Variants in PRSS12 observed in about 807,000 individuals in gnomAD.
PRSS12 encodes the protein neurotrypsin.
PRSS12 carries 85 observed loss-of-function variants against 104.4 expected under a neutral mutation model. That is an observed-to-expected ratio of 0.81 (90% CI 0.68 to 0.98). The LOEUF (loss-of-function observed/expected upper bound fraction) is 0.98. Among genes scored for constraint, PRSS12 ranks in the 50% least tolerant of loss-of-function variants. PRSS12 has a pLI of 0.00. For missense variants in PRSS12, 1,141 were observed against 1,139.2 expected, an observed-to-expected ratio of 1.00 and a Z score of -0.02; for synonymous variants, 454 against 425.2, an observed-to-expected ratio of 1.07 and a Z score of -0.83.
chr4:118,282,039 C>T lies in PRSS12; in HGVS notation c.2525G>A (p.Gly842Glu), dbSNP rs751020682. 26 of 1,614,148 alleles carry T rather than the reference C, an allele frequency of 1.6e-5. No individual in the cohort carries two copies. The highest frequency in any genetic ancestry group is 1.6e-4 in the Middle Eastern group (1 of 6,062). The change falls in exon 13 of 13, where the codon GGG becomes GAG. Residue 842 changes from glycine to glutamate, a missense_variant. Physicochemically the swap from Gly to Glu is moderately conservative, Grantham distance 98 (BLOSUM62 -2). Coordinates refer to ENST00000296498, the MANE Select transcript of PRSS12 (RefSeq NM_003619.4). ...ACAGCCATACCCCCAGGAGGTCACC[C>T]CATACACCACCCAGCTCTCTCCGGG... is the stretch of plus-strand genomic sequence containing the variant. The part of the protein sequence containing the change: ...ERPGESWVVY[G>E]VTSWGYGCGV...
chr4:118,299,195 G>C (rs1578907979), intron 8 of PRSS12, among the ~76,000 whole-genome samples: 2 of 151,910 alleles, frequency 1.3e-5, no homozygotes, highest in African/African-American at 4.8e-5. Flanking sequence ...TACATTTAAT[G>C]GCACATCAAA....
At chr4:118,318,606 G>T in intron 4 of PRSS12, 50 bp from the exon 5 acceptor site, 1 of 1,566,902 alleles carries the variant, frequency 6.4e-7, no homozygotes. Flanking sequence ...CCAAAGATTG[G>T]TCTTTTATTT....
At chr4:118,349,469 T>C (rs1354742058) in intron 1 of PRSS12, among the ~76,000 whole-genome samples, 1 of 151,948 alleles carries the variant, frequency 6.6e-6, no homozygotes. Flanking sequence ...GTAAATCATG[T>C]GCATCAGGCC....
chr4:118,348,013 T>C (rs1724400683), intron 1 of PRSS12, among the ~76,000 whole-genome samples: 1 of 152,160 alleles, frequency 6.6e-6, no homozygotes, highest in African/African-American at 2.4e-5. Context: ...GAGAATCACT[T>C]GAGCCCAGGA....
intron 4 of PRSS12, among the ~76,000 whole-genome samples, chr4:118,319,493 T>A (rs1723553988): frequency 6.6e-6 from 1 of 152,218 alleles, no homozygotes; most frequent in African/African-American, 2.4e-5. Flanking sequence ...GGTCCCATAC[T>A]AAGGATGACA....
chr4:118,337,295 T>G (rs1283181816), intron 2 of PRSS12, among the ~76,000 whole-genome samples: 1 of 152,218 alleles, frequency 6.6e-6, no homozygotes, highest in Non-Finnish European at 1.5e-5. Flanking sequence ...ATTTCCATGC[T>G]TTCTAAAGAC....
chr4:118,328,432 T>G (rs747469068), intron 4 of PRSS12, among the ~76,000 whole-genome samples: 1 of 152,190 alleles, frequency 6.6e-6, no homozygotes, highest in African/African-American at 2.4e-5. Context: ...AACCCATGAG[T>G]GTGTTCAACA....
intron 1 of PRSS12, among the ~76,000 whole-genome samples, chr4:118,346,695 C>A (rs788670): frequency 0.27 from 41,253 of 152,068 alleles, 7,154 homozygotes; most frequent in Middle Eastern, 0.43. Context: ...TACAGCCACT[C>A]CCCATCGCTC....
At chr4:118,342,992 C>A (rs535151799) in intron 1 of PRSS12, among the ~76,000 whole-genome samples, 1 of 152,192 alleles carries the variant, frequency 6.6e-6, no homozygotes, top group African/African-American at 2.4e-5. Flanking sequence ...AAGAAGAGTT[C>A]TCTTTAACCA....
At chr4:118,340,265 A>C (rs1421809599) in intron 1 of PRSS12, among the ~76,000 whole-genome samples, 2 of 152,218 alleles carry the variant, frequency 1.3e-5, no homozygotes, top group Non-Finnish European at 2.9e-5. Context: ...GCCTGGATTC[A>C]TTTAGCAGTA....
intron 8 of PRSS12, among the ~76,000 whole-genome samples, chr4:118,304,714 A>G (rs564683737): frequency 1.3e-5 from 2 of 152,160 alleles, no homozygotes; most frequent in South Asian, 4.1e-4. Context: ...TCTACGAACA[A>G]TATGCTCATA....
chr4:118,312,739 A>T (rs767997860), intron 7 of PRSS12, among the ~76,000 whole-genome samples: 4 of 152,196 alleles, frequency 2.6e-5, no homozygotes, highest in Admixed American at 1.3e-4. Flanking sequence ...TTAAAAGAGC[A>T]ATGGATGGTT....
Position 118,352,241 on chromosome 4 carries a change from C to T in PRSS12, c.480G>A (p.Trp160Ter), listed in dbSNP as rs753768799. 5.0e-6 allele frequency: 8 copies of T among 1,612,066 alleles called. No individual in the cohort carries two copies. The highest frequency in any genetic ancestry group is 6.8e-6 in the Non-Finnish European group (8 of 1,179,736). Residue 160 changes from tryptophan to a stop codon, truncating the protein, a stop_gained, in exon 1 of 13, where the codon TGG becomes TGA. Transcript: ENST00000296498. LOFTEE classifies it high-confidence loss of function. Reference protein sequence around the residue: ...FYGDARGKVDWGYCDCRHGSV... With the variant: ...FYGDARGKVD ...AACCGTGTCTGCAGTCGCAGTAGCC[C>T]CAGTCCACCTTGCCACGGGCGTCTC...
chr4:118,321,040 C>T (rs79494057), intron 4 of PRSS12, among the ~76,000 whole-genome samples: 279 of 152,176 alleles, frequency 1.8e-3, no homozygotes, highest in Non-Finnish European at 3.1e-3. Flanking sequence ...TCTGCCCCAA[C>T]AAAAATTAAA....
At chr4:118,327,260 C>T (rs1205137966) in intron 4 of PRSS12, among the ~76,000 whole-genome samples, 1 of 152,058 alleles carries the variant, frequency 6.6e-6, no homozygotes, top group African/African-American at 2.4e-5. Context: ...ACTAACAATT[C>T]TCCCACCTCA....
chr4:118,280,937 A>C lies in PRSS12; in HGVS notation c.*999T>G, dbSNP rs889706382. ...CTTTTGCAAATTGTCAGTGATGTGCAAAGCTGCCTAATGCAGTGCCTGGCA... is the reference window on the plus strand; with the variant it reads ...CTTTTGCAAATTGTCAGTGATGTGCCAAGCTGCCTAATGCAGTGCCTGGCA... On this transcript the variant is annotated 3_prime_UTR_variant, in exon 13 of 13. Coordinates refer to ENST00000296498, the MANE Select transcript of PRSS12 (RefSeq NM_003619.4). The C allele has an allele frequency of 3.3e-5, 5 of 152,252 alleles. No individual in the cohort carries two copies. The highest frequency in any genetic ancestry group is 1.2e-4 in the African/African-American group (5 of 41,458). The allele number at this position is 152,252 out of a possible 1,614,324, so 9.4% of individuals were successfully genotyped here. A position where few individuals can be genotyped will look rare whatever the true frequency, so the allele number is the denominator to read the frequency against.
intron 1 of PRSS12, among the ~76,000 whole-genome samples, chr4:118,348,997 G>A (rs1724425345): frequency 6.6e-6 from 1 of 152,046 alleles, no homozygotes; most frequent in South Asian, 2.1e-4. Flanking sequence ...ATAAAACCAG[G>A]GCCCAGGTAT....
intron 4 of PRSS12, among the ~76,000 whole-genome samples, chr4:118,326,587 C>T (rs2126038724): frequency 6.6e-6 from 1 of 152,326 alleles, no homozygotes; most frequent in East Asian, 1.9e-4. Context: ...CTATCTAAAA[C>T]ACGGTCACTA....
At chr4:118,310,680 A>G (rs1023414302) in intron 7 of PRSS12, among the ~76,000 whole-genome samples, 9 of 152,198 alleles carry the variant, frequency 5.9e-5, no homozygotes, top group Admixed American at 1.3e-4. Flanking sequence ...TTCCTGTAAC[A>G]TAATACATTA....
Sources: gnomAD v4.1 joint callset for allele counts (sites outside exome capture counted in the v4.1 genomes callset) on GRCh38, gnomAD v4.1.1 for gene constraint, MANE v1.5 for transcripts, NCBI Gene and HGNC (gene_info 2026-07-23, HGNC 2026-07-21) for gene names.